The following KALRN variants were observed in gnomAD, a reference collection of about 807,000 sequenced individuals.
KALRN encodes kalirin.
KALRN carries 70 observed loss-of-function variants against 353.7 expected under a neutral mutation model. The observed-to-expected ratio is 0.20, with a 90% CI of 0.16 to 0.24. The LOEUF (loss-of-function observed/expected upper bound fraction) is 0.24. Ranked by LOEUF, KALRN falls within the 10% of genes least tolerant of loss-of-function variation. KALRN has a pLI of 1.00. For synonymous variants in KALRN, 1,391 were observed against 1,434.8 expected (o/e 0.97, Z 0.69); for missense variants, 2,791 against 3,756.7 (o/e 0.74, Z 6.72).
At chr3:124,640,811 A>G (rs776487634) in intron 37 of KALRN, among the ~76,000 whole-genome samples, 1 of 152,174 alleles carries the variant, frequency 6.6e-6, no homozygotes, top group Non-Finnish European at 1.5e-5. Context: ...CTAACTCTTT[A>G]TTACCCCAGA....
chr3:124,143,012 C>G (rs1483377977), intron 1 of KALRN, among the ~76,000 whole-genome samples: 1 of 150,568 alleles, frequency 6.6e-6, no homozygotes, highest in Non-Finnish European at 1.5e-5. Flanking sequence ...TTTCACTTTT[C>G]TACCCTCAGC....
chr3:124,666,942 G>T, intron 46 of KALRN, 70 bp from the exon 47 acceptor site: 1 of 1,458,352 alleles, frequency 6.9e-7, no homozygotes, highest in Non-Finnish European at 9.3e-7. Flanking sequence ...AAACTTTGAG[G>T]AAGAGTAATA....
At chr3:124,047,007 G>A (rs1050728251) in intron 1 of KALRN, among the ~76,000 whole-genome samples, 2 of 132,900 alleles carry the variant, frequency 1.5e-5, no homozygotes, top group African/African-American at 5.7e-5. Context: ...TTTTTCTGTC[G>A]ACAGGCAATT....
intron 28 of KALRN, among the ~76,000 whole-genome samples, chr3:124,483,610 C>A (rs1364446578): frequency 6.6e-6 from 1 of 151,986 alleles, no homozygotes; most frequent in Non-Finnish European, 1.5e-5. Flanking sequence ...AAGGGCAGTG[C>A]CAGTTTACAT....
chr3:124,090,740 C>T (rs13071565), intron 1 of KALRN, among the ~76,000 whole-genome samples: 90,422 of 151,692 alleles, frequency 0.6, 29,800 homozygotes, highest in Non-Finnish European at 0.75. Context: ...CGGACTGAAG[C>T]GGATGGATCA....
At chr3:124,249,299 CAAAAA>C (rs1560355664) in intron 3 of KALRN, among the ~76,000 whole-genome samples, 6 of 152,094 alleles carry the variant, frequency 3.9e-5, no homozygotes, top group Non-Finnish European at 7.4e-5. Context: ...CAGGAGAAGA[CAAAAA>C]CTGAAAGCTT....
Position 124,291,446 on chromosome 3 carries a change from C to T in KALRN, c.970-7345C>T, listed in dbSNP as rs993701303. Among the ~76,000 whole-genome samples, 3 of 152,006 alleles carry T rather than the reference C, an allele frequency of 2.0e-5. No individual in the cohort carries two copies. In the South Asian group the frequency reaches 6.2e-4, roughly 32 times the overall value. On this transcript the variant is annotated intron_variant, in intron 5 of 59. Coordinates refer to ENST00000682506, the MANE Select transcript of KALRN (RefSeq NM_001388419.1). ...GCACATACCATCTTTTATCTGTTTT[C>T]AGGGAAGCTGAACTTGGATGTTAAC...
Position 124,713,035 on chromosome 3 carries a change from G to T in KALRN, c.8176G>T (p.Ala2726Ser), listed in dbSNP as rs143920760. The T allele has an allele frequency of 2.8e-5, 46 of 1,614,118 alleles. No individual in the cohort carries two copies. The African/African-American group carries it at 4.8e-4, about 17-fold the overall frequency. ...AAAAATGAAGAAGAAAGAACAGGCT[G>T]CCCACGAGGCTGCCCTGCTTCAGCA... The part of the protein sequence containing the change: ...SKKMKKKEQA[A>S]HEAALLQHLQ... The change falls in exon 58 of 60, where the codon GCC becomes TCC. Residue 2726 changes from alanine to serine, a missense_variant. Physicochemically the swap from Ala to Ser is moderately conservative, Grantham distance 99. Coordinates refer to ENST00000682506, the MANE Select transcript of KALRN (RefSeq NM_001388419.1).
chr3:124,286,082 C>CCTTCCTTCCTTCCTTCCTTTCTTCCTTT (rs1553893895), intron 5 of KALRN, among the ~76,000 whole-genome samples: 3 of 102,156 alleles, frequency 2.9e-5, no homozygotes, highest in African/African-American at 1.1e-4. Context: ...TTCTTTCCTT[C>CCTTCCTTCCTTCCTTCCTTTCTTCCTTT]CTTTCTTTCT....
chr3:124,418,296 T>C (rs1319794499), intron 14 of KALRN, among the ~76,000 whole-genome samples: 1 of 152,220 alleles, frequency 6.6e-6, no homozygotes, highest in African/African-American at 2.4e-5. Flanking sequence ...TGGGAACTTC[T>C]TAAAAATACC....
chr3:124,425,126 G>A (rs531012065), intron 15 of KALRN, among the ~76,000 whole-genome samples: 2 of 152,118 alleles, frequency 1.3e-5, no homozygotes, highest in South Asian at 4.2e-4. Context: ...GATAGAGAAG[G>A]GTAGAGGGGA....
chr3:124,623,966 C>T (rs2079626311), intron 34 of KALRN, among the ~76,000 whole-genome samples: 1 of 152,216 alleles, frequency 6.6e-6, no homozygotes, highest in South Asian at 2.1e-4. Context: ...CTAAAACAGT[C>T]GCCGTCTATC....
chr3:124,547,813 T>C (rs536295448), intron 33 of KALRN, among the ~76,000 whole-genome samples: 3 of 142,572 alleles, frequency 2.1e-5, no homozygotes, highest in African/African-American at 5.2e-5. Flanking sequence ...CAGGGGACTC[T>C]CTTTTTTTTC....
At chr3:124,447,970 T>C (rs574169845) in intron 21 of KALRN, among the ~76,000 whole-genome samples, 1 of 152,236 alleles carries the variant, frequency 6.6e-6, no homozygotes, top group African/African-American at 2.4e-5. Flanking sequence ...CCTATTCAAA[T>C]CCAAATTAAA....
At chr3:124,652,910 G>T (rs116252299) in intron 38 of KALRN, among the ~76,000 whole-genome samples, 1 of 151,934 alleles carries the variant, frequency 6.6e-6, no homozygotes, top group East Asian at 1.9e-4. Flanking sequence ...AGCTTGAACC[G>T]GCCTTTGAGC....
chr3:124,126,322 G>C (rs1365080811), intron 1 of KALRN, among the ~76,000 whole-genome samples: 1 of 151,992 alleles, frequency 6.6e-6, no homozygotes, highest in African/African-American at 2.4e-5. Context: ...AGAAATACCT[G>C]TAACCCAATA....
intron 13 of KALRN, among the ~76,000 whole-genome samples, chr3:124,412,773 C>T (rs76041234): frequency 0.038 from 5,757 of 152,238 alleles, 371 homozygotes; most frequent in African/African-American, 0.13. Context: ...TGGAGGTATG[C>T]TACACATTTA....
At chr3:124,285,947 C>T (rs903326445) in intron 5 of KALRN, among the ~76,000 whole-genome samples, 1 of 152,142 alleles carries the variant, frequency 6.6e-6, no homozygotes, top group Non-Finnish European at 1.5e-5. Flanking sequence ...ACATGTCAGT[C>T]ATCACAGAAG....
rs549583766 is a variant in KALRN, at chr3:124,655,148, T to C, written c.5796-453T>C. ...GAGGACTTACAGGTTGGTAATCAAATAAATGTCTTTCTCTTCTTGTTAAGT... is the reference window on the plus strand; with the variant it reads ...GAGGACTTACAGGTTGGTAATCAAACAAATGTCTTTCTCTTCTTGTTAAGT... On this transcript the variant is annotated intron_variant, in intron 38 of 59. Coordinates refer to ENST00000682506, the MANE Select transcript of KALRN (RefSeq NM_001388419.1). Among the ~76,000 whole-genome samples, 9 of 152,326 alleles carry C rather than the reference T, an allele frequency of 5.9e-5. No homozygotes were observed. In the South Asian group the frequency reaches 1.9e-3, roughly 32 times the overall value.
Sources: gnomAD v4.1 joint callset for allele counts (sites outside exome capture counted in the v4.1 genomes callset) on GRCh38, gnomAD v4.1.1 for gene constraint, MANE v1.5 for transcripts, NCBI Gene and HGNC (gene_info 2026-07-23, HGNC 2026-07-21) for gene names.